Variants in ANKS1B observed in about 807,000 individuals in gnomAD.
ANKS1B encodes the protein ankyrin repeat and sterile alpha motif domain containing 1B.
Under a neutral mutation model 148.3 loss-of-function variants are expected in ANKS1B, and 36 were observed. That is an observed-to-expected ratio of 0.24 (90% confidence interval 0.19 to 0.32). ANKS1B has a LOEUF of 0.32. Among genes scored for constraint, ANKS1B ranks in the 10% least tolerant of loss-of-function variants. ANKS1B has a pLI of 1.00. For synonymous variants in ANKS1B, 542 were observed against 560.8 expected (o/e 0.97, Z 0.47); for missense variants, 1,157 against 1,542.6 (o/e 0.75, Z 4.19).
At chr12:99,604,867 A>C (rs900779200) in intron 9 of ANKS1B, among the ~76,000 whole-genome samples, 3 of 151,712 alleles carry the variant, frequency 2.0e-5, no homozygotes, top group Non-Finnish European at 2.9e-5. Context: ...AGACAAATAG[A>C]GAAGGTTACA....
intron 8 of ANKS1B, among the ~76,000 whole-genome samples, chr12:99,693,208 A>T (rs868365856): frequency 6.6e-6 from 1 of 152,234 alleles, no homozygotes; most frequent in African/African-American, 2.4e-5. Context: ...CACTTTATCA[A>T]ATAATGCTGA....
intron 10 of ANKS1B, among the ~76,000 whole-genome samples, chr12:99,479,642 G>A (rs979131380): frequency 7.9e-5 from 12 of 151,898 alleles, no homozygotes; most frequent in African/African-American, 2.4e-4. Flanking sequence ...GACAAATACT[G>A]CATGACCTCA....
chr12:99,745,689 TTTAA>T (rs1241724461), intron 8 of ANKS1B, among the ~76,000 whole-genome samples: 11 of 152,098 alleles, frequency 7.2e-5, no homozygotes, highest in East Asian at 1.9e-4. Flanking sequence ...CAATTTACAA[TTTAA>T]TTAAGAAAAC....
chr12:99,148,562 A>G (rs1468169118), intron 15 of ANKS1B, among the ~76,000 whole-genome samples: 1 of 152,146 alleles, frequency 6.6e-6, no homozygotes, highest in Admixed American at 6.6e-5. Flanking sequence ...CAGCGCCAAT[A>G]TTGTACTTGC....
At chr12:99,329,752 T>C (rs964343448) in intron 12 of ANKS1B, among the ~76,000 whole-genome samples, 1 of 151,932 alleles carries the variant, frequency 6.6e-6, no homozygotes, top group Non-Finnish European at 1.5e-5. Context: ...TGCCACTTCA[T>C]GTCCTTAGGC....
intron 12 of ANKS1B, among the ~76,000 whole-genome samples, chr12:99,316,655 C>T (rs571082519): frequency 1.3e-4 from 19 of 151,806 alleles, no homozygotes; most frequent in Non-Finnish European, 2.5e-4. Context: ...TTTTGCTGTG[C>T]AGAAGCTCTT....
chr12:98,850,316 G>T (rs545491346), intron 17 of ANKS1B, among the ~76,000 whole-genome samples: 2 of 152,148 alleles, frequency 1.3e-5, no homozygotes. Flanking sequence ...TCAAATATGA[G>T]AAATTATAAG....
Position 98,770,737 on chromosome 12 carries a change from G to A in ANKS1B, c.3579+2305C>T, listed in dbSNP as rs57851691. Among the ~76,000 whole-genome samples, 962 of 152,210 alleles carry A rather than the reference G, an allele frequency of 6.3e-3. 12 individuals carry two copies. The highest frequency in any genetic ancestry group is 0.022 in the African/African-American group (919 of 41,512). Reference sequence around the variant, plus strand: ...TCTGAGCATGAACTGCCTGACTCACGGACCTTAAGCTGGTATAGATTTTGG... The same window carrying A: ...TCTGAGCATGAACTGCCTGACTCACAGACCTTAAGCTGGTATAGATTTTGG... On this transcript the variant is annotated intron_variant, in intron 25 of 26. Transcript: ENST00000683438.
intron 9 of ANKS1B, among the ~76,000 whole-genome samples, chr12:99,615,263 T>A (rs10745865): frequency 0.66 from 101,014 of 151,958 alleles, 33,763 homozygotes; most frequent in African/African-American, 0.73. Context: ...ATCAACATAA[T>A]TTTGTTGGGA....
intron 17 of ANKS1B, among the ~76,000 whole-genome samples, chr12:98,964,941 T>A (rs1449840051): frequency 6.6e-6 from 1 of 152,142 alleles, no homozygotes; most frequent in Non-Finnish European, 1.5e-5. Context: ...TAGTCAACAA[T>A]AATTTATTGT....
At chr12:98,988,747 T>A (rs1429622395) in intron 17 of ANKS1B, among the ~76,000 whole-genome samples, 1 of 152,176 alleles carries the variant, frequency 6.6e-6, no homozygotes, top group Non-Finnish European at 1.5e-5. Context: ...TTTCTCCAAA[T>A]CCTCACTAAC....
chr12:99,900,258 A>G (rs1046528865), intron 1 of ANKS1B, among the ~76,000 whole-genome samples: 3 of 150,462 alleles, frequency 2.0e-5, no homozygotes, highest in African/African-American at 7.3e-5. Context: ...CTGTAATCCC[A>G]GCACTTTGGG....
chr12:99,478,678 T>C (rs2096364690), intron 10 of ANKS1B, among the ~76,000 whole-genome samples: 1 of 152,102 alleles, frequency 6.6e-6, no homozygotes, highest in Non-Finnish European at 1.5e-5. Flanking sequence ...CTTCCAAATC[T>C]TCAAGCTTGG....
At position 98,897,878 on chromosome 12, in the gene ANKS1B, G is replaced by T. The variant is rs2099767012; in HGVS notation, c.2779-65742C>A. Among the ~76,000 whole-genome samples, 6 of 152,196 alleles carry T rather than the reference G, an allele frequency of 3.9e-5. No individual in the cohort carries two copies. The South Asian group carries it at 1.2e-3, about 32-fold the overall frequency. ...AATATACACCATGGGATACTATGCA[G>T]CCATAAAAAAGAATGAAATCATGTC... On this transcript the variant is annotated intron_variant, in intron 17 of 26. Coordinates refer to ENST00000683438, the MANE Select transcript of ANKS1B (RefSeq NM_001352186.2).
In ANKS1B at chr12:99,208,214, T is replaced by C. The variant is rs1183266199; in HGVS notation, c.2419+36128A>G. Among the ~76,000 whole-genome samples, 24 of 152,090 alleles carry C rather than the reference T, an allele frequency of 1.6e-4. 1 individual carries two copies. Among genetic ancestry groups the C allele is most frequent in the Admixed American group, 1.6e-3 (24 of 15,264 alleles). ...TGATGACTGAGAAAACTGAATCCTC[T>C]CTATTAAAGAGCTAAGAGTTTTTCC... On this transcript the variant is annotated intron_variant, in intron 14 of 26. Transcript: ENST00000683438.
At chr12:99,520,899 C>T (rs903875659) in intron 9 of ANKS1B, among the ~76,000 whole-genome samples, 1 of 152,078 alleles carries the variant, frequency 6.6e-6, no homozygotes, top group Non-Finnish European at 1.5e-5. Flanking sequence ...TTGGTTCAAA[C>T]GATTCTCCTG....
chr12:99,583,147 T>A (rs955763661), intron 9 of ANKS1B, among the ~76,000 whole-genome samples: 3 of 152,192 alleles, frequency 2.0e-5, no homozygotes, highest in Admixed American at 6.5e-5. Flanking sequence ...TCATTGGTTT[T>A]TTTGTTGCAC....
At chr12:99,447,168 C>T (rs2095649812) in intron 10 of ANKS1B, among the ~76,000 whole-genome samples, 1 of 152,018 alleles carries the variant, frequency 6.6e-6, no homozygotes. Context: ...AATAAATACA[C>T]ATATTTTTGG....
intron 22 of ANKS1B, among the ~76,000 whole-genome samples, chr12:98,785,491 G>GA (rs980874757): frequency 2.1e-4 from 32 of 151,646 alleles, no homozygotes; most frequent in African/African-American, 7.0e-4. Context: ...AAAGAAAAAG[G>GA]AAAAAAAAGG....
Sources: gnomAD v4.1 joint callset for allele counts (sites outside exome capture counted in the v4.1 genomes callset) on GRCh38, gnomAD v4.1.1 for gene constraint, MANE v1.5 for transcripts, NCBI Gene and HGNC (gene_info 2026-07-23, HGNC 2026-07-21) for gene names.